RCAN2: variants seen among roughly 807,000 people sequenced by gnomAD.
The protein encoded by RCAN2 is calcipressin-2.
A neutral mutation model predicts 23.6 loss-of-function variants in RCAN2; 9 were observed. The ratio of observed to expected loss-of-function variants is 0.38; its 90% CI spans 0.23 to 0.67. The LOEUF (loss-of-function observed/expected upper bound fraction) is 0.67, where lower values mean the gene tolerates loss of function less well. Among genes scored for constraint, RCAN2 ranks in the 30% least tolerant of loss-of-function variants. RCAN2 has a pLI of 0.51. For synonymous variants in RCAN2, 109 were observed against 115.7 expected (o/e 0.94, Z 0.37); for missense variants, 273 against 302.3 (o/e 0.90, Z 0.72).
intron 2 of RCAN2, among the ~76,000 whole-genome samples, chr6:46,372,063 C>A (rs917255868): frequency 6.6e-6 from 1 of 152,044 alleles, no homozygotes; most frequent in Non-Finnish European, 1.5e-5. Flanking sequence ...GGACAGAGAC[C>A]CCTTTGGACT....
intron 2 of RCAN2, among the ~76,000 whole-genome samples, chr6:46,393,546 A>T (rs1765997238): frequency 6.6e-6 from 1 of 152,104 alleles, no homozygotes; most frequent in African/African-American, 2.4e-5. Flanking sequence ...TTTTCTAAAT[A>T]CTCTATTTTC....
chr6:46,240,264 C>G (rs1766258431), intron 4 of RCAN2, among the ~76,000 whole-genome samples: 1 of 152,000 alleles, frequency 6.6e-6, no homozygotes, highest in African/African-American at 2.4e-5. Flanking sequence ...CCTTAAAGTA[C>G]TTTTTTTTAT....
intron 2 of RCAN2, among the ~76,000 whole-genome samples, chr6:46,338,879 G>C (rs1764219632): frequency 6.6e-6 from 1 of 151,978 alleles, no homozygotes; most frequent in African/African-American, 2.4e-5. Context: ...GCCGGGTATG[G>C]TGATGCATGC....
intron 2 of RCAN2, among the ~76,000 whole-genome samples, chr6:46,370,599 T>C (rs559586924): frequency 6.6e-6 from 1 of 152,336 alleles, no homozygotes; most frequent in Non-Finnish European, 1.5e-5. Flanking sequence ...TGACACTATT[T>C]ATTCTCCTTC....
chr6:46,328,287 A>G (rs988608274), intron 2 of RCAN2, among the ~76,000 whole-genome samples: 1 of 152,170 alleles, frequency 6.6e-6, no homozygotes, highest in Non-Finnish European at 1.5e-5. Flanking sequence ...TTTCAAGGAC[A>G]GTTGTCAACT....
chr6:46,237,376 T>G (rs1411692180), intron 4 of RCAN2, among the ~76,000 whole-genome samples: 1 of 152,160 alleles, frequency 6.6e-6, no homozygotes, highest in African/African-American at 2.4e-5. Context: ...GGGAAGGAAG[T>G]TTTGGACTCT....
At chr6:46,393,498 G>C (rs1240406999) in intron 2 of RCAN2, among the ~76,000 whole-genome samples, 1 of 152,290 alleles carries the variant, frequency 6.6e-6, no homozygotes, top group African/African-American at 2.4e-5. Context: ...GGTGGGATGA[G>C]GGGCATTTCT....
At chr6:46,332,475 A>G (rs990065643) in intron 2 of RCAN2, among the ~76,000 whole-genome samples, 1 of 120,994 alleles carries the variant, frequency 8.3e-6, no homozygotes, top group African/African-American at 3.9e-5. Context: ...CCACCCCACA[A>G]CAGTCCCCAG....
intron 2 of RCAN2, among the ~76,000 whole-genome samples, chr6:46,386,793 A>C (rs1765769667): frequency 6.6e-6 from 1 of 152,166 alleles, no homozygotes; most frequent in South Asian, 2.1e-4. Flanking sequence ...CACATTGCCA[A>C]GACAATCCTA....
intron 1 of RCAN2, among the ~76,000 whole-genome samples, chr6:46,478,543 T>C (rs1235742676): frequency 6.6e-6 from 1 of 152,194 alleles, no homozygotes; most frequent in Non-Finnish European, 1.5e-5. Flanking sequence ...TCTTCACTCA[T>C]AAGTCCCATC....
chr6:46,338,444 G>T (rs1253862373), intron 2 of RCAN2, among the ~76,000 whole-genome samples: 1 of 152,206 alleles, frequency 6.6e-6, no homozygotes, highest in Non-Finnish European at 1.5e-5. Flanking sequence ...AACCCCAACT[G>T]CCAGGAAGCC....
chr6:46,472,398 A>G (rs922345990), intron 1 of RCAN2, among the ~76,000 whole-genome samples: 4 of 152,210 alleles, frequency 2.6e-5, no homozygotes, highest in African/African-American at 9.6e-5. Context: ...ATATCGCTAT[A>G]TTTAGGTACC....
rs975752403 is a variant in RCAN2 at position 46,221,902 on chromosome 6, G to A, written c.*1239C>T. The A allele has an allele frequency of 4.3e-5, 17 of 398,304 alleles. No individual in the cohort carries two copies. The highest frequency in any genetic ancestry group is 1.2e-3 in the Middle Eastern group (2 of 1,608). 24.7% of individuals were successfully genotyped at this position (398,304 alleles called of 1,614,324 possible). A position where few individuals can be genotyped will look rare whatever the true frequency, so the allele number is the denominator to read the frequency against. ...GGCTAGAGAAATAGAAAAATCACACGTAACAAAAACAAATAACTTTTTTGA... is the reference window on the plus strand; with the variant it reads ...GGCTAGAGAAATAGAAAAATCACACATAACAAAAACAAATAACTTTTTTGA... On this transcript the variant is annotated 3_prime_UTR_variant, in exon 5 of 5. Coordinates refer to ENST00000371374, the MANE Select transcript of RCAN2 (RefSeq NM_001251974.2).
intron 1 of RCAN2, among the ~76,000 whole-genome samples, chr6:46,478,231 A>T (rs1487186512): frequency 6.6e-6 from 1 of 152,186 alleles, no homozygotes; most frequent in Non-Finnish European, 1.5e-5. Context: ...TCACAAGAAA[A>T]TCACAGCCCA....
chr6:46,382,090 G>A (rs568746751), intron 2 of RCAN2, among the ~76,000 whole-genome samples: 1 of 152,284 alleles, frequency 6.6e-6, no homozygotes, highest in African/African-American at 2.4e-5. Flanking sequence ...AGAGTGAGAT[G>A]GCTAAGGATA....
intron 2 of RCAN2, among the ~76,000 whole-genome samples, chr6:46,449,459 C>A (rs1276901480): frequency 1.3e-5 from 2 of 150,746 alleles, no homozygotes; most frequent in African/African-American, 4.9e-5. Flanking sequence ...CAATCTCTAA[C>A]AAAATTCCAA....
chr6:46,424,807 G>T (rs116781986), intron 2 of RCAN2, among the ~76,000 whole-genome samples: 107 of 152,148 alleles, frequency 7.0e-4, no homozygotes, highest in African/African-American at 2.4e-3. Flanking sequence ...ATATAACAAG[G>T]TTAGCACATA....
At chr6:46,478,325 A>G (rs1768767007) in intron 1 of RCAN2, among the ~76,000 whole-genome samples, 1 of 152,220 alleles carries the variant, frequency 6.6e-6, no homozygotes, top group Non-Finnish European at 1.5e-5. Context: ...AAATAATAAC[A>G]ATGATAGTGA....
chr6:46,395,613 C>T (rs141725483), intron 2 of RCAN2, among the ~76,000 whole-genome samples: 1 of 152,218 alleles, frequency 6.6e-6, no homozygotes, highest in African/African-American at 2.4e-5. Context: ...TAAATAACCA[C>T]AAATAAAATG....
Sources: gnomAD v4.1 joint callset for allele counts (sites outside exome capture counted in the v4.1 genomes callset) on GRCh38, gnomAD v4.1.1 for gene constraint, MANE v1.5 for transcripts, NCBI Gene and HGNC (gene_info 2026-07-23, HGNC 2026-07-21) for gene names.